GCH1: variants seen among roughly 807,000 people sequenced by gnomAD.
GCH1 encodes the protein GTP cyclohydrolase 1.
A neutral mutation model predicts 25.9 loss-of-function variants in GCH1; 5 were observed. The ratio of observed to expected loss-of-function variants is 0.19; its 90% CI spans 0.10 to 0.41. The LOEUF (loss-of-function observed/expected upper bound fraction) is 0.41. Among genes scored for constraint, GCH1 ranks in the 10% least tolerant of loss-of-function variants. GCH1 has a pLI of 1.00. For synonymous variants in GCH1, 159 were observed against 129.6 expected, an observed-to-expected ratio of 1.23 and a Z score of -1.54; for missense variants, 261 against 336.5, an observed-to-expected ratio of 0.78 and a Z score of 1.75.
At chr14:54,881,845 T>C (rs1353030802) in intron 1 of GCH1, among the ~76,000 whole-genome samples, 1 of 152,222 alleles carries the variant, frequency 6.6e-6, no homozygotes, top group Non-Finnish European at 1.5e-5. Flanking sequence ...TAGCCAAAGC[T>C]ATTGAAATAG....
chr14:54,871,691 G>A (rs1482697408), intron 1 of GCH1, among the ~76,000 whole-genome samples: 2 of 150,870 alleles, frequency 1.3e-5, no homozygotes, highest in African/African-American at 2.4e-5. Context: ...CGAGAACTAC[G>A]TGATGAATGC....
At chr14:54,863,305 C>T (rs142250265) in intron 2 of GCH1, among the ~76,000 whole-genome samples, 268 of 150,644 alleles carry the variant, frequency 1.8e-3, no homozygotes, top group Non-Finnish European at 2.8e-3. Flanking sequence ...GCCTGTAGTC[C>T]CAGCTACTCA....
At chr14:54,855,236 T>G (rs1229309373) in intron 3 of GCH1, among the ~76,000 whole-genome samples, 1 of 152,072 alleles carries the variant, frequency 6.6e-6, no homozygotes, top group Non-Finnish European at 1.5e-5. Flanking sequence ...CCAGGCGCGG[T>G]GGCTCACTCC....
intron 1 of GCH1, among the ~76,000 whole-genome samples, chr14:54,892,241 G>A (rs1288186353): frequency 6.6e-6 from 1 of 152,184 alleles, no homozygotes; most frequent in Non-Finnish European, 1.5e-5. Context: ...CTGAATGATG[G>A]CAATCCAGTT....
chr14:54,843,764 T>G lies in GCH1; in HGVS notation c.*253A>C. 6.2e-7 allele frequency: 1 copy of G among 1,614,016 alleles called. No individual in the cohort carries two copies. ...GGCCCCTCTGGTTATCTGGCAGTGG[T>G]TTTGTGCACGTACTTACACTATTAG... On this transcript the variant is annotated 3_prime_UTR_variant, in exon 6 of 6. Coordinates refer to ENST00000491895, the MANE Select transcript of GCH1 (RefSeq NM_000161.3).
intron 1 of GCH1, among the ~76,000 whole-genome samples, chr14:54,891,961 T>A (rs1186419420): frequency 2.0e-5 from 3 of 152,204 alleles, no homozygotes; most frequent in South Asian, 2.1e-4. Context: ...GCAATTCAGT[T>A]ATGCCAAAGA....
intron 1 of GCH1, among the ~76,000 whole-genome samples, chr14:54,882,744 C>G (rs923298241): frequency 6.6e-6 from 1 of 152,130 alleles, no homozygotes; most frequent in African/African-American, 2.4e-5. Flanking sequence ...CCCTTATCAT[C>G]CTACATTCAC....
At chr14:54,894,635 C>T (rs977106617) in intron 1 of GCH1, among the ~76,000 whole-genome samples, 1 of 152,084 alleles carries the variant, frequency 6.6e-6, no homozygotes, top group African/African-American at 2.4e-5. Context: ...ATAGATAATC[C>T]ATTTTTAAAA....
At position 54,902,743 on chromosome 14, in the gene GCH1, G is replaced by A. The variant is rs2040589925; in HGVS notation, c.-80C>T. On this transcript the variant is annotated 5_prime_UTR_variant, in exon 1 of 6. Coordinates refer to ENST00000491895, the MANE Select transcript of GCH1 (RefSeq NM_000161.3). Reference sequence around the variant, plus strand: ...GCGGCTAAACTCCGCCGGTGGCCGCGGACAATGGGCTGTGGCCGGAGTCAC... The same window carrying A: ...GCGGCTAAACTCCGCCGGTGGCCGCAGACAATGGGCTGTGGCCGGAGTCAC... 1 of 1,381,960 alleles carries A rather than the reference G, an allele frequency of 7.2e-7. No homozygotes were observed. Among genetic ancestry groups the A allele is most frequent in the Non-Finnish European group, 9.3e-7 (1 of 1,072,120 alleles). The allele number at this position is 1,381,960 out of a possible 1,614,324, so 85.6% of individuals were successfully genotyped here. A position where few individuals can be genotyped will look rare whatever the true frequency, so the allele number is the denominator to read the frequency against.
chr14:54,860,241 C>G (rs2039874701), intron 2 of GCH1, among the ~76,000 whole-genome samples: 2 of 152,192 alleles, frequency 1.3e-5, no homozygotes. Flanking sequence ...GGCCCTGACA[C>G]TTACCTGTGA....
chr14:54,889,881 C>T (rs773304438), intron 1 of GCH1, among the ~76,000 whole-genome samples: 2 of 151,780 alleles, frequency 1.3e-5, no homozygotes, highest in South Asian at 2.1e-4. Flanking sequence ...TGAGGAAATG[C>T]GATGGAAGAT....
chr14:54,855,000 A>G (rs977462409), intron 3 of GCH1, among the ~76,000 whole-genome samples: 1 of 152,134 alleles, frequency 6.6e-6, no homozygotes, highest in Admixed American at 6.5e-5. Flanking sequence ...AACTTCAGAT[A>G]GATTCAAAGC....
chr14:54,899,414 C>T (rs753458614), intron 1 of GCH1, among the ~76,000 whole-genome samples: 3 of 152,098 alleles, frequency 2.0e-5, no homozygotes, highest in African/African-American at 4.8e-5. Context: ...GCCGAGATTG[C>T]GCCACTGCAC....
At chr14:54,892,842 G>T (rs542636881) in intron 1 of GCH1, among the ~76,000 whole-genome samples, 97 of 152,282 alleles carry the variant, frequency 6.4e-4, no homozygotes, top group Non-Finnish European at 1.1e-3. Context: ...ACTCTAGGAG[G>T]TTGAGACAGG....
At chr14:54,900,914 G>A (rs1373834504) in intron 1 of GCH1, among the ~76,000 whole-genome samples, 10 of 150,918 alleles carry the variant, frequency 6.6e-5, no homozygotes, top group African/African-American at 2.2e-4. Context: ...GACCTCCAAA[G>A]AGCTGATCCC....
At position 54,843,604 on chromosome 14, in the gene GCH1, C is replaced by A. The variant is rs1210975257; in HGVS notation, c.*413G>T. On this transcript the variant is annotated 3_prime_UTR_variant, in exon 6 of 6. Transcript: ENST00000491895. ...ACTAAATATTTTAGCACTTTCGGCA[C>A]TACACCACTTTTATTGGAGGAAGAA... The A allele has an allele frequency of 8.9e-6, 13 of 1,452,600 alleles. No homozygotes were observed. Among genetic ancestry groups the A allele is most frequent in the Middle Eastern group, 2.5e-4 (1 of 3,986 alleles). 90.0% of individuals were successfully genotyped at this position (1,452,600 alleles called of 1,614,324 possible).
intron 1 of GCH1, among the ~76,000 whole-genome samples, chr14:54,896,534 A>T (rs2040485393): frequency 6.6e-6 from 1 of 152,162 alleles, no homozygotes; most frequent in Non-Finnish European, 1.5e-5. Flanking sequence ...AGGCTTTCAA[A>T]CTTTTGACTA....
Position 54,902,803 on chromosome 14 carries a change from C to G in GCH1, c.-140G>C. 1 of 1,136,402 alleles carries G rather than the reference C, an allele frequency of 8.8e-7. No homozygotes were observed. The highest frequency in any genetic ancestry group is 1.1e-6 in the Non-Finnish European group (1 of 889,882). The allele number at this position is 1,136,402 out of a possible 1,614,324, so 70.4% of individuals were successfully genotyped here. On this transcript the variant is annotated 5_prime_UTR_variant, in exon 1 of 6. Transcript: ENST00000491895. ...GTACGCAACCTGCTTAGATCACACTCCGAGCCGGGAGCGGCCACAGGCTGG... is the reference window on the plus strand; with the variant it reads ...GTACGCAACCTGCTTAGATCACACTGCGAGCCGGGAGCGGCCACAGGCTGG...
rs920168612 is a variant in GCH1 at position 54,902,679 on chromosome 14, G to A, written c.-16C>T. 4.9e-6 allele frequency: 7 copies of A among 1,437,198 alleles called. No individual in the cohort carries two copies. The highest frequency in any genetic ancestry group is 1.5e-5 in the African/African-American group (1 of 66,876). The allele number at this position is 1,437,198 out of a possible 1,614,324, so 89.0% of individuals were successfully genotyped here. On this transcript the variant is annotated 5_prime_UTR_variant, in exon 1 of 6. Coordinates refer to ENST00000491895, the MANE Select transcript of GCH1 (RefSeq NM_000161.3). ...CCTTCTCCATGGACCCGCCGCAGCC[G>A]CTGCCGTTCGGGAAGGACCCCGGGG...
Sources: gnomAD v4.1 joint callset for allele counts (sites outside exome capture counted in the v4.1 genomes callset) on GRCh38, gnomAD v4.1.1 for gene constraint, MANE v1.5 for transcripts, NCBI Gene and HGNC (gene_info 2026-07-23, HGNC 2026-07-21) for gene names.